CLCN7: variants seen among roughly 807,000 people sequenced by gnomAD.
The protein encoded by CLCN7 is H(+)/Cl(-) exchange transporter 7.
A neutral mutation model predicts 102.1 loss-of-function variants in CLCN7; 60 were observed. The ratio of observed to expected loss-of-function variants is 0.59; its 90% CI spans 0.48 to 0.73. The LOEUF (loss-of-function observed/expected upper bound fraction) is 0.73, where lower values mean the gene tolerates loss of function less well. Among genes scored for constraint, CLCN7 ranks in the 30% least tolerant of loss-of-function variants. The pLI is 0.00. For synonymous variants in CLCN7, 560 were observed against 490.5 expected, an observed-to-expected ratio of 1.14 and a Z score of -1.87; for missense variants, 962 against 1,125.7, an observed-to-expected ratio of 0.85 and a Z score of 2.08.
Position 1,459,274 on chromosome 16 carries a change from G to A in CLCN7, c.595-87C>T. The stretch of plus-strand genomic sequence containing the variant: ...AGCCCCAGGAGCCCCAGGAGCTGAG[G>A]AGAGCAGCAGACACGTCGGGGCCTC... On this transcript the variant is annotated intron_variant, in intron 6 of 24. Coordinates refer to ENST00000382745, the MANE Select transcript of CLCN7 (RefSeq NM_001287.6). 1.2e-5 allele frequency: 14 copies of A among 1,181,914 alleles called. 1 individual carries two copies. The South Asian group carries it at 1.8e-4, about 15-fold the overall frequency. The allele number at this position is 1,181,914 out of a possible 1,614,324, so 73.2% of individuals were successfully genotyped here. A position where few individuals can be genotyped will look rare whatever the true frequency, so the allele number is the denominator to read the frequency against.
Position 1,452,523 on chromosome 16 carries a change from G to C in CLCN7, c.1353+232C>G, listed in dbSNP as rs530533159. On this transcript the variant is annotated intron_variant, in intron 15 of 24. Transcript: ENST00000382745. Reference sequence around the variant, plus strand: ...GGCTGCCATTCTGGGAAGAGGACTGGGGGGAGCCTCTGGCCCCCATACCAC... The same window carrying C: ...GGCTGCCATTCTGGGAAGAGGACTGCGGGGAGCCTCTGGCCCCCATACCAC... The C allele has an allele frequency of 9.3e-4, 532 of 574,484 alleles. 3 individuals are homozygous for C. Among genetic ancestry groups the C allele is most frequent in the Admixed American group, 1.5e-4 (5 of 32,748 alleles). The allele number at this position is 574,484 out of a possible 1,614,324, so 35.6% of individuals were successfully genotyped here.
At chr16:1,456,351 C>G (rs201185974) in intron 9 of CLCN7, 145 bp from the exon 10 acceptor site, 2 of 702,940 alleles carry the variant, frequency 2.8e-6, no homozygotes, top group African/African-American at 3.5e-5. Flanking sequence ...TGAAGAGCAC[C>G]GTGCTGCAGA....
At chr16:1,470,794 G>A (rs568869271) in intron 1 of CLCN7, among the ~76,000 whole-genome samples, 70 of 152,246 alleles carry the variant, frequency 4.6e-4, no homozygotes, top group Middle Eastern at 3.4e-3. Flanking sequence ...CTCAGGCTGC[G>A]GTCTGTGGCT....
Position 1,446,574 on chromosome 16 carries a change from G to A in CLCN7, c.*57C>T, listed in dbSNP as rs886051697. 27 of 1,429,168 alleles carry A rather than the reference G, an allele frequency of 1.9e-5. No homozygotes were observed. Among genetic ancestry groups the A allele is most frequent in the Non-Finnish European group, 2.6e-5 (27 of 1,036,730 alleles). 88.5% of individuals were successfully genotyped at this position (1,429,168 alleles called of 1,614,324 possible). On this transcript the variant is annotated 3_prime_UTR_variant, in exon 25 of 25. Transcript: ENST00000382745. The stretch of plus-strand genomic sequence containing the variant: ...GCCGAGAAACCAGTGACTCCGGGAG[G>A]AAATGCAGAAGGGCCGGGGTGCCAG...
Position 1,474,832 on chromosome 16 carries a change from A to C in CLCN7, c.141+2T>G. 7.4e-7 allele frequency: 1 copy of C among 1,352,948 alleles called. No homozygotes were observed. The highest frequency in any genetic ancestry group is 9.5e-7 in the Non-Finnish European group (1 of 1,051,946). The allele number at this position is 1,352,948 out of a possible 1,614,324, so 83.8% of individuals were successfully genotyped here. ...CCCCGCCTGCGCCCTGCCCGGCCTC[A>C]CCTGGCGCGCAGCCCCAGGCCCAGC... On this transcript the variant is annotated splice_donor_variant, in intron 1 of 24. Transcript: ENST00000382745. LOFTEE classifies it high-confidence loss of function.
chr16:1,448,648 C>T, intron 20 of CLCN7, 33 bp downstream of exon 20: 1 of 1,611,372 alleles, frequency 6.2e-7, no homozygotes, highest in African/African-American at 1.3e-5. Flanking sequence ...CGCTGGACAC[C>T]CTCCCCACCC....
intron 2 of CLCN7, among the ~76,000 whole-genome samples, chr16:1,463,645 CGTTTTT>C (rs1421394801): frequency 6.6e-6 from 1 of 151,934 alleles, no homozygotes; most frequent in Non-Finnish European, 1.5e-5. Flanking sequence ...GGCTAATTTT[CGTTTTT>C]GTTTTTGTTT....
intron 1 of CLCN7, among the ~76,000 whole-genome samples, chr16:1,468,798 G>A (rs957258605): frequency 3.1e-4 from 47 of 152,232 alleles, no homozygotes; most frequent in Admixed American, 5.9e-4. Context: ...TTGGGGCTGC[G>A]CTGTTACGGA....
rs183208285 is a variant in CLCN7 at position 1,449,667 on chromosome 16, A to C, written c.1618-340T>G. ...ACACACGACACAGAGAGCCCCGGGA[A>C]CATCAGGCTGGGCCACAGAACCCAG... On this transcript the variant is annotated intron_variant, in intron 17 of 24. Coordinates refer to ENST00000382745, the MANE Select transcript of CLCN7 (RefSeq NM_001287.6). The C allele has an allele frequency of 5.3e-4, 191 of 362,768 alleles. 3 individuals are homozygous for C. In the East Asian group the frequency reaches 7.2e-3, roughly 14 times the overall value. 22.5% of individuals were successfully genotyped at this position (362,768 alleles called of 1,614,324 possible).
At chr16:1,462,291 G>A (rs1171438457) in intron 2 of CLCN7, among the ~76,000 whole-genome samples, 1 of 151,122 alleles carries the variant, frequency 6.6e-6, no homozygotes, top group Admixed American at 6.6e-5. Context: ...CACTCTGGGA[G>A]GCAGAGGCAA....
At position 1,457,209 on chromosome 16, in the gene CLCN7, G is replaced by A. The variant is rs1003971472; in HGVS notation, c.822+45C>T. 2.0e-5 allele frequency: 31 copies of A among 1,550,798 alleles called. No homozygotes were observed. In the Middle Eastern group the frequency reaches 5.0e-4, roughly 25 times the overall value. On this transcript the variant is annotated intron_variant, in intron 9 of 24. Transcript: ENST00000382745. This position sits in a 1 kb window ranked among gnomAD's most constrained non-coding sequence, Gnocchi z 5.4. ...ATCTCCCTGAGTGGTGCCCGTGCCCGTGCCCATGGCATCTGGAGCCCACCC... is the reference window on the plus strand; with the variant it reads ...ATCTCCCTGAGTGGTGCCCGTGCCCATGCCCATGGCATCTGGAGCCCACCC...
Position 1,447,372 on chromosome 16 carries a change from T to A in CLCN7, c.2250+20A>T. Reference sequence around the variant, plus strand: ...TGTTCAGTCCCAGGCCCCACGCCCATGCCCATGCCCTGCACATGCCTGGGG... The same window carrying A: ...TGTTCAGTCCCAGGCCCCACGCCCAAGCCCATGCCCTGCACATGCCTGGGG... On this transcript the variant is annotated intron_variant, in intron 23 of 24. Transcript: ENST00000382745. The A allele has an allele frequency of 6.6e-7, 1 of 1,508,706 alleles. No individual in the cohort carries two copies. Among genetic ancestry groups the A allele is most frequent in the Non-Finnish European group, 8.9e-7 (1 of 1,122,054 alleles). 93.5% of individuals were successfully genotyped at this position (1,508,706 alleles called of 1,614,324 possible).
At chr16:1,453,719 C>T (rs554930892) in intron 14 of CLCN7, 115 bp downstream of exon 14, 23 of 998,278 alleles carry the variant, frequency 2.3e-5, no homozygotes, top group Non-Finnish European at 3.7e-5. Context: ...GCTGCATACA[C>T]AGCCTTTCTT....
rs747992697 is a variant in CLCN7 at position 1,447,725 on chromosome 16, G to C, written c.2014-11C>G. On this transcript the variant is annotated splice_polypyrimidine_tract_variant and intron_variant, in intron 21 of 24. Transcript: ENST00000382745. ...CTGGAGCCGGGCAGGCTGCAAGACA[G>C]GCCCGCGGTCAGGGCCACGGGCCCG... 4 of 1,550,440 alleles carry C rather than the reference G, an allele frequency of 2.6e-6. No individual in the cohort carries two copies. Among genetic ancestry groups the C allele is most frequent in the Non-Finnish European group, 2.6e-6 (3 of 1,147,270 alleles).
At chr16:1,452,214 G>A (rs955743691) in intron 15 of CLCN7, 6 of 241,220 alleles carry the variant, frequency 2.5e-5, no homozygotes, top group Non-Finnish European at 5.0e-5. Flanking sequence ...CACCTGACCC[G>A]TCCCATCCTG....
intron 17 of CLCN7, chr16:1,450,047 T>C (rs2038719766): frequency 5.0e-6 from 1 of 198,296 alleles, no homozygotes; most frequent in Non-Finnish European, 1.0e-5. Flanking sequence ...AGAAGACACA[T>C]AAGAGAACCC....
At position 1,446,254 on chromosome 16, in the gene CLCN7, A is replaced by AGGG. The variant is rs775637701; in HGVS notation, c.*374_*376dup. On this transcript the variant is annotated 3_prime_UTR_variant, in exon 25 of 25. Coordinates refer to ENST00000382745, the MANE Select transcript of CLCN7 (RefSeq NM_001287.6). ...GCAGGGCAGCCCTCGGGGCAGCAGC[A>AGGG]GGGGCAAGGGCTCTGTCTCACGCAC... 2.5e-5 allele frequency: 17 copies of AGGG among 676,084 alleles called. No individual in the cohort carries two copies. The South Asian group carries it at 2.5e-4, about 10-fold the overall frequency. 41.9% of individuals were successfully genotyped at this position (676,084 alleles called of 1,614,324 possible).
chr16:1,474,169 C>T, intron 1 of CLCN7: 1 of 456,094 alleles, frequency 2.2e-6, no homozygotes, highest in South Asian at 1.5e-5. Context: ...ACTGCTCAGA[C>T]GCACGCTGCA....
In CLCN7 at chr16:1,446,530, G is replaced by C; in HGVS notation, c.*101C>G. 1.8e-6 allele frequency: 2 copies of C among 1,124,468 alleles called. No homozygotes were observed. The highest frequency in any genetic ancestry group is 1.9e-4 in the Middle Eastern group (1 of 5,208). The allele number at this position is 1,124,468 out of a possible 1,614,324, so 69.7% of individuals were successfully genotyped here. ...CTGCAGGGTGCTCGCCATTGCCACT[G>C]CTGGGGAGCATGGTTTGGGCCGAGA... On this transcript the variant is annotated 3_prime_UTR_variant, in exon 25 of 25. Transcript: ENST00000382745.
Sources: allele counts gnomAD v4.1 joint callset (sites outside exome capture counted in the v4.1 genomes callset), GRCh38; gene constraint gnomAD v4.1.1; non-coding constraint Gnocchi (gnomAD v3.1); transcripts MANE v1.5; gene names NCBI Gene and HGNC (gene_info 2026-07-23, HGNC 2026-07-21).